Variants in TNFSF4 observed in about 807,000 individuals in gnomAD.
The protein encoded by TNFSF4 is TNF superfamily member 4, also known as tumor necrosis factor ligand superfamily member 4.
Under a neutral mutation model 7.3 loss-of-function variants are expected in TNFSF4, and 4 were observed. The observed-to-expected ratio is 0.55, with a 90% CI of 0.27 to 1.25. TNFSF4 has a LOEUF of 1.25. Ranked by LOEUF, TNFSF4 falls within the 50% of genes most tolerant of loss-of-function variation. TNFSF4 has a pLI of 0.12. For synonymous variants in TNFSF4, 76 were observed against 83.7 expected (o/e 0.91, Z 0.50); for missense variants, 181 against 208.8 (o/e 0.87, Z 0.82).
At chr1:173,412,017 G>A in the TNFSF4 span, among the ~76,000 whole-genome samples, 1 of 151,010 alleles carries the variant, frequency 6.6e-6, no homozygotes, top group African/African-American at 2.4e-5. Flanking sequence ...TACTCAGGAG[G>A]CTAAGGCAGA....
At position 173,186,047 on chromosome 1, in the gene TNFSF4, G is replaced by C. The variant is rs1649210079; in HGVS notation, c.*469C>G. The C allele has an allele frequency of 6.5e-6, 1 of 154,552 alleles. No homozygotes were observed. Among genetic ancestry groups the C allele is most frequent in the Admixed American group, 6.4e-5 (1 of 15,680 alleles). 9.6% of individuals were successfully genotyped at this position (154,552 alleles called of 1,614,324 possible). A position where few individuals can be genotyped will look rare whatever the true frequency, so the allele number is the denominator to read the frequency against. On this transcript the variant is annotated 3_prime_UTR_variant, in exon 3 of 3. Transcript: ENST00000281834. Reference sequence around the variant, plus strand: ...GAGGCCGCTTTGGCTTCCAGGGGTTGGTTCATACCACCTTTGGCAGATTCA... The same window carrying C: ...GAGGCCGCTTTGGCTTCCAGGGGTTCGTTCATACCACCTTTGGCAGATTCA...
the TNFSF4 span, among the ~76,000 whole-genome samples, chr1:173,276,557 C>G: frequency 1.3e-5 from 2 of 152,100 alleles, no homozygotes; most frequent in Non-Finnish European, 2.9e-5. Context: ...GAGTTGGAGG[C>G]CTTAGAGCCA....
intron 2 of TNFSF4, 128 bp downstream of exon 2, chr1:173,188,393 G>C: frequency 1.4e-6 from 1 of 726,518 alleles, no homozygotes. Context: ...CAACAATTCT[G>C]GGATTTAATT....
chr1:173,262,598 CTTTTTTTTTTT>C, the TNFSF4 span, among the ~76,000 whole-genome samples: 3 of 105,042 alleles, frequency 2.9e-5, no homozygotes, highest in Non-Finnish European at 5.6e-5. Context: ...CCAAAAGATT[CTTTTTTTTTTT>C]TTTTTTTTTT....
chr1:173,426,148 G>T, the TNFSF4 span, among the ~76,000 whole-genome samples: 7 of 152,174 alleles, frequency 4.6e-5, no homozygotes. Context: ...CAACTCTAAC[G>T]TTCCTTCCTG....
the TNFSF4 span, among the ~76,000 whole-genome samples, chr1:173,318,980 C>T: frequency 2.0e-5 from 3 of 152,266 alleles, no homozygotes; most frequent in South Asian, 6.2e-4. Flanking sequence ...TGCCTGGAAC[C>T]CCAGTGAGAC....
chr1:173,378,597 G>T, the TNFSF4 span, among the ~76,000 whole-genome samples: 15 of 152,124 alleles, frequency 9.9e-5, no homozygotes, highest in African/African-American at 3.6e-4. Flanking sequence ...GGCCACCTGA[G>T]GGAAGTATAA....
the TNFSF4 span, among the ~76,000 whole-genome samples, chr1:173,310,301 A>C: frequency 6.6e-6 from 1 of 151,942 alleles, no homozygotes; most frequent in East Asian, 1.9e-4. Context: ...ATGTCCTCCA[A>C]ACACTGCTTT....
the TNFSF4 span, among the ~76,000 whole-genome samples, chr1:173,430,671 AGTT>A: frequency 1.3e-5 from 2 of 152,200 alleles, no homozygotes; most frequent in Non-Finnish European, 2.9e-5. Flanking sequence ...GGGTCTATAG[AGTT>A]GTTCACTGCA....
chr1:173,270,082 G>A, the TNFSF4 span, among the ~76,000 whole-genome samples: 2,629 of 152,244 alleles, frequency 0.017, 79 homozygotes, highest in African/African-American at 0.06. Flanking sequence ...GCAAGAAAGA[G>A]CAAAGTCAAG....
chr1:173,349,806 A>C, the TNFSF4 span, among the ~76,000 whole-genome samples: 1 of 152,206 alleles, frequency 6.6e-6, no homozygotes, highest in South Asian at 2.1e-4. Context: ...ATTTAAAACA[A>C]AATTATACAC....
chr1:173,369,072 T>C, the TNFSF4 span, among the ~76,000 whole-genome samples: 1 of 152,186 alleles, frequency 6.6e-6, no homozygotes, highest in Non-Finnish European at 1.5e-5. Context: ...AAAAAGGCTA[T>C]TCCCAAAGCT....
chr1:173,357,022 C>T, the TNFSF4 span, among the ~76,000 whole-genome samples: 1 of 152,112 alleles, frequency 6.6e-6, no homozygotes, highest in Non-Finnish European at 1.5e-5. Flanking sequence ...CTTTTTGTTC[C>T]TAACTGCTCC....
At chr1:173,420,417 G>A in the TNFSF4 span, among the ~76,000 whole-genome samples, 1 of 152,172 alleles carries the variant, frequency 6.6e-6, no homozygotes, top group African/African-American at 2.4e-5. Flanking sequence ...AGTACTTGAC[G>A]GCTCTTACTG....
Position 173,207,323 on chromosome 1 carries a change from A to G in TNFSF4, c.-147T>C. The G allele has an allele frequency of 1.5e-6, 1 of 648,382 alleles. No homozygotes were observed. The allele number at this position is 648,382 out of a possible 1,614,324, so 40.2% of individuals were successfully genotyped here. A position where few individuals can be genotyped will look rare whatever the true frequency, so the allele number is the denominator to read the frequency against. ...CAAAGGTCCCAGGGCCAGAGATAAAAGGCGATTGAAAGAGCAAAGCGGACT... is the reference window on the plus strand; with the variant it reads ...CAAAGGTCCCAGGGCCAGAGATAAAGGGCGATTGAAAGAGCAAAGCGGACT... On this transcript the variant is annotated 5_prime_UTR_variant, in exon 1 of 3. Transcript: ENST00000281834.
the TNFSF4 span, among the ~76,000 whole-genome samples, chr1:173,435,204 C>T: frequency 1.3e-5 from 2 of 152,188 alleles, no homozygotes; most frequent in Non-Finnish European, 2.9e-5. Flanking sequence ...TGATGGGAGA[C>T]AGGCTTTACC....
intron 1 of TNFSF4, among the ~76,000 whole-genome samples, chr1:173,203,707 G>GA (rs552024208): frequency 3.3e-5 from 5 of 151,938 alleles, no homozygotes; most frequent in Non-Finnish European, 5.9e-5. Flanking sequence ...GATAAGAACT[G>GA]AAAAAAAGTG....
At chr1:173,253,886 T>C in the TNFSF4 span, among the ~76,000 whole-genome samples, 1 of 152,188 alleles carries the variant, frequency 6.6e-6, no homozygotes, top group Non-Finnish European at 1.5e-5. Flanking sequence ...AGATAAGAAG[T>C]CAATATGCAG....
intron 1 of TNFSF4, among the ~76,000 whole-genome samples, chr1:173,201,577 G>A (rs1394924412): frequency 6.6e-6 from 1 of 152,164 alleles, no homozygotes; most frequent in African/African-American, 2.4e-5. Context: ...TCTTGGAAAT[G>A]ATTAAACTGA....
Sources: allele counts gnomAD v4.1 joint callset (sites outside exome capture counted in the v4.1 genomes callset), GRCh38; gene constraint gnomAD v4.1.1; transcripts MANE v1.5; gene names NCBI Gene and HGNC (gene_info 2026-07-23, HGNC 2026-07-21).